Variants in MDGA2 observed in about 807,000 individuals in gnomAD.
MDGA2 encodes the protein MAM domain-containing glycosylphosphatidylinositol anchor protein 2.
MDGA2 carries 40 observed loss-of-function variants against 117.8 expected under a neutral mutation model. That is an observed-to-expected ratio of 0.34 (90% CI 0.26 to 0.44). The LOEUF is 0.44. MDGA2 is among the 20% of genes least tolerant of loss of function. The pLI is 1.00. For synonymous variants in MDGA2, 452 were observed against 439.0 expected (o/e 1.03, Z -0.37); for missense variants, 1,123 against 1,250.6 (o/e 0.90, Z 1.54).
At chr14:47,428,463 T>G (rs969351101) in intron 1 of MDGA2, among the ~76,000 whole-genome samples, 2 of 152,128 alleles carry the variant, frequency 1.3e-5, no homozygotes, top group Non-Finnish European at 2.9e-5. Flanking sequence ...AGATTAATTT[T>G]CAAAATCAGG....
chr14:46,925,863 A>AT (rs1053249317), intron 9 of MDGA2, among the ~76,000 whole-genome samples: 1 of 152,120 alleles, frequency 6.6e-6, no homozygotes, highest in Non-Finnish European at 1.5e-5. Context: ...TCATGAAGGG[A>AT]TAAAAAAAGA....
chr14:47,249,382 CA>C (rs1594752789), intron 2 of MDGA2, among the ~76,000 whole-genome samples: 2 of 152,138 alleles, frequency 1.3e-5, no homozygotes, highest in East Asian at 3.9e-4. Flanking sequence ...AATGCAGTGG[CA>C]CAATCACAAC....
At chr14:47,541,854 G>A (rs554960507) in intron 1 of MDGA2, among the ~76,000 whole-genome samples, 24 of 152,082 alleles carry the variant, frequency 1.6e-4, no homozygotes, top group African/African-American at 5.8e-4. Flanking sequence ...CTCCTCCCCT[G>A]AGCAGCCTGA....
intron 10 of MDGA2, among the ~76,000 whole-genome samples, chr14:46,909,524 G>A (rs1462880213): frequency 6.6e-6 from 1 of 152,020 alleles, no homozygotes; most frequent in African/African-American, 2.4e-5. Context: ...AAATACAGTT[G>A]ACATGCCAAA....
Position 47,069,167 on chromosome 14 carries a change from T to A in MDGA2, c.1196-7589A>T, listed in dbSNP as rs550010068. Among the ~76,000 whole-genome samples, 9 of 152,314 alleles carry A rather than the reference T, an allele frequency of 5.9e-5. No individual in the cohort carries two copies. The East Asian group carries it at 1.7e-3, about 29-fold the overall frequency. On this transcript the variant is annotated intron_variant, in intron 6 of 16. Coordinates refer to ENST00000399232, the MANE Select transcript of MDGA2 (RefSeq NM_001113498.3). ...AGTTGCACTCACTCACTAGGATACT[T>A]TATGTGCTGGGTTTCACTGATGCTA... is the stretch of plus-strand genomic sequence containing the variant.
chr14:47,003,182 G>C (rs147765312), intron 8 of MDGA2, among the ~76,000 whole-genome samples: 3 of 152,096 alleles, frequency 2.0e-5, no homozygotes, highest in Non-Finnish European at 4.4e-5. Context: ...GTGTGTCCAT[G>C]ATTGAAGTTT....
At chr14:47,302,342 G>A (rs113468758) in intron 1 of MDGA2, among the ~76,000 whole-genome samples, 1 of 152,182 alleles carries the variant, frequency 6.6e-6, no homozygotes, top group Non-Finnish European at 1.5e-5. Flanking sequence ...AAGATATGCT[G>A]CTTGCCATCA....
chr14:46,952,815 C>A (rs1199069309), intron 9 of MDGA2, among the ~76,000 whole-genome samples: 2 of 151,850 alleles, frequency 1.3e-5, no homozygotes, highest in Non-Finnish European at 2.9e-5. Flanking sequence ...TTTGGAATAA[C>A]TGGTAGAACT....
intron 2 of MDGA2, among the ~76,000 whole-genome samples, chr14:47,250,508 A>G (rs1464091238): frequency 1.3e-5 from 2 of 152,136 alleles, no homozygotes; most frequent in Non-Finnish European, 2.9e-5. Flanking sequence ...TTGAGAGGTT[A>G]ATTAGGTCAT....
At chr14:47,487,132 G>A (rs1328289460) in intron 1 of MDGA2, among the ~76,000 whole-genome samples, 1 of 152,092 alleles carries the variant, frequency 6.6e-6, no homozygotes, top group African/African-American at 2.4e-5. Context: ...GCCAAACCTT[G>A]AGTAAACAAG....
chr14:47,094,035 G>C (rs993250021), intron 6 of MDGA2, among the ~76,000 whole-genome samples: 110 of 152,022 alleles, frequency 7.2e-4, no homozygotes, highest in African/African-American at 2.5e-3. Flanking sequence ...ATGTAATAAA[G>C]AGAAAACTGT....
At chr14:47,097,712 C>A (rs1245791545) in intron 5 of MDGA2, among the ~76,000 whole-genome samples, 1 of 151,928 alleles carries the variant, frequency 6.6e-6, no homozygotes, top group Non-Finnish European at 1.5e-5. Flanking sequence ...TCATCTCTAA[C>A]CTCTTCACTT....
chr14:47,652,462 T>A (rs575007489), intron 1 of MDGA2, among the ~76,000 whole-genome samples: 1 of 152,284 alleles, frequency 6.6e-6, no homozygotes, highest in South Asian at 2.1e-4. Context: ...TAAATGAGAC[T>A]AACTCCAATG....
chr14:47,344,857 GTC>G (rs1890729813), intron 1 of MDGA2, among the ~76,000 whole-genome samples: 2 of 144,916 alleles, frequency 1.4e-5, no homozygotes, highest in African/African-American at 5.0e-5. Flanking sequence ...AGACAGGGGT[GTC>G]TCTGTGTGTG....
intron 14 of MDGA2, among the ~76,000 whole-genome samples, chr14:46,866,525 GCCAAAATTGACAAATGGGATCTAATTAAA>G (rs1257194388): frequency 6.6e-6 from 1 of 152,090 alleles, no homozygotes; most frequent in Non-Finnish European, 1.5e-5. Context: ...GGCAACCAAA[GCCAAAATTGACAAATGGGATCTAATTAAA>G]CTAAAGAGCT....
chr14:46,946,112 G>A (rs934426612), intron 9 of MDGA2, among the ~76,000 whole-genome samples: 2 of 151,940 alleles, frequency 1.3e-5, no homozygotes, highest in African/African-American at 4.8e-5. Context: ...AACTCTAAAT[G>A]ATGTTTTAAT....
intron 1 of MDGA2, among the ~76,000 whole-genome samples, chr14:47,540,775 G>T (rs1895336552): frequency 6.6e-6 from 1 of 151,628 alleles, no homozygotes; most frequent in Admixed American, 6.6e-5. Flanking sequence ...ATGTAGTGCA[G>T]GTTGGTCTTG....
At chr14:46,984,300 T>C (rs1193435701) in intron 8 of MDGA2, among the ~76,000 whole-genome samples, 1 of 152,076 alleles carries the variant, frequency 6.6e-6, no homozygotes, top group African/African-American at 2.4e-5. Flanking sequence ...GTATTCCTAT[T>C]TGTCATACAA....
chr14:47,629,502 C>T (rs1897214718), intron 1 of MDGA2, among the ~76,000 whole-genome samples: 1 of 152,204 alleles, frequency 6.6e-6, no homozygotes, highest in Admixed American at 6.5e-5. Flanking sequence ...CTGTTTACCT[C>T]TCTGAAAACG....
Sources: allele counts gnomAD v4.1 joint callset (sites outside exome capture counted in the v4.1 genomes callset), GRCh38; gene constraint gnomAD v4.1.1; transcripts MANE v1.5; gene names NCBI Gene and HGNC (gene_info 2026-07-23, HGNC 2026-07-21).